Variants in CWF19L2 observed in about 807,000 individuals in gnomAD.
The protein encoded by CWF19L2 is CWF19 like cell cycle control factor 2.
CWF19L2 carries 98 observed loss-of-function variants against 111.7 expected under a neutral mutation model. The ratio of observed to expected loss-of-function variants is 0.88; its 90% CI spans 0.75 to 1.04. The LOEUF is 1.04. Ranked by LOEUF, CWF19L2 falls within the 50% of genes least tolerant of loss-of-function variation. CWF19L2 has a pLI of 0.00. For missense variants in CWF19L2, 1,101 were observed against 1,051.4 expected (o/e 1.05, Z -0.65); for synonymous variants, 351 against 342.9 (o/e 1.02, Z -0.26).
intron 14 of CWF19L2, among the ~76,000 whole-genome samples, chr11:107,347,806 A>T (rs1229877114): frequency 6.6e-6 from 1 of 152,192 alleles, no homozygotes; most frequent in Non-Finnish European, 1.5e-5. Context: ...TTCATTAAGC[A>T]GCTTGATTTC....
chr11:107,367,270 G>A lies in CWF19L2; in HGVS notation c.1873-13534C>T, dbSNP rs1322683031. ...CAACCATTGTGGAAGTCAGTGTGGC[G>A]ATTCCTCGGGGATCTAGAACTAGAA... On this transcript the variant is annotated intron_variant, in intron 12 of 17. Transcript: ENST00000282251. Among the ~76,000 whole-genome samples, 10 of 134,976 alleles carry A rather than the reference G, an allele frequency of 7.4e-5. 1 individual carries two copies. Among genetic ancestry groups the A allele is most frequent in the African/African-American group, 1.5e-4 (5 of 34,198 alleles). 88.5% of individuals were successfully genotyped at this position (134,976 alleles called of 152,430 possible).
intron 12 of CWF19L2, among the ~76,000 whole-genome samples, chr11:107,367,499 A>C (rs1860447311): frequency 7.6e-6 from 1 of 131,164 alleles, no homozygotes; most frequent in African/African-American, 3.1e-5. Context: ...ATGCAGCCAT[A>C]AAAAATGATG....
intron 3 of CWF19L2, among the ~76,000 whole-genome samples, chr11:107,448,395 T>A (rs1328689357): frequency 1.1e-5 from 1 of 92,934 alleles, no homozygotes; most frequent in African/African-American, 4.3e-5. Flanking sequence ...GCTCACGACA[T>A]AGCAATAAAA....
chr11:107,440,900 T>C (rs759213120), intron 5 of CWF19L2, among the ~76,000 whole-genome samples: 3 of 152,112 alleles, frequency 2.0e-5, no homozygotes, highest in Non-Finnish European at 2.9e-5. Context: ...AAAAAATATA[T>C]AAAGTTTGAC....
At chr11:107,442,854 GGGATAGA>G in intron 4 of CWF19L2, 78 bp downstream of exon 4, 1 of 660,464 alleles carries the variant, frequency 1.5e-6, no homozygotes, top group Non-Finnish European at 2.6e-6. Flanking sequence ...GAGGGAGGGA[GGGATAGA>G]GAGGGAAGGA....
chr11:107,434,432 A>G (rs1591202804), intron 6 of CWF19L2, among the ~76,000 whole-genome samples: 1 of 145,732 alleles, frequency 6.9e-6, no homozygotes, highest in East Asian at 1.9e-4. Flanking sequence ...CAAATCAATT[A>G]CTTAATAAAA....
At chr11:107,375,516 T>G (rs1860584992) in intron 12 of CWF19L2, among the ~76,000 whole-genome samples, 1 of 138,054 alleles carries the variant, frequency 7.2e-6, no homozygotes, top group Non-Finnish European at 1.6e-5. Context: ...TGCTCCTGAA[T>G]GACTACTGGG....
intron 8 of CWF19L2, among the ~76,000 whole-genome samples, chr11:107,421,907 G>C (rs943904663): frequency 1.2e-4 from 18 of 152,032 alleles, no homozygotes; most frequent in Non-Finnish European, 2.1e-4. Flanking sequence ...ATTTGTACCT[G>C]AATGTTCAGA....
chr11:107,456,875 C>A (rs1175472838), intron 1 of CWF19L2, among the ~76,000 whole-genome samples: 1 of 152,134 alleles, frequency 6.6e-6, no homozygotes, highest in Non-Finnish European at 1.5e-5. Flanking sequence ...GCTGCTTCAC[C>A]CTCAAATTAT....
intron 10 of CWF19L2, chr11:107,403,268 T>C: frequency 2.5e-6 from 1 of 403,522 alleles, no homozygotes; most frequent in Non-Finnish European, 4.5e-6. Flanking sequence ...AAAACTGTAT[T>C]TATCTGCAAA....
intron 13 of CWF19L2, among the ~76,000 whole-genome samples, chr11:107,353,294 T>G (rs1860184350): frequency 1.3e-5 from 2 of 152,186 alleles, no homozygotes; most frequent in Non-Finnish European, 2.9e-5. Context: ...ATTAAATCAA[T>G]AAGTATTTAT....
Position 107,336,457 on chromosome 11 carries a change from G to A in CWF19L2, c.2358+101C>T, listed in dbSNP as rs186087875. Reference sequence around the variant, plus strand: ...TTCATTTCTTTATATAAATTTTGATGTAAGTATATAGGAGAAAAATATGTT... The same window carrying A: ...TTCATTTCTTTATATAAATTTTGATATAAGTATATAGGAGAAAAATATGTT... On this transcript the variant is annotated intron_variant, in intron 15 of 17. Transcript: ENST00000282251. 2.1e-4 allele frequency: 194 copies of A among 935,442 alleles called. 1 individual carries two copies. The highest frequency in any genetic ancestry group is 2.9e-4 in the Non-Finnish European group (184 of 637,686). The allele number at this position is 935,442 out of a possible 1,614,324, so 57.9% of individuals were successfully genotyped here. A position where few individuals can be genotyped will look rare whatever the true frequency, so the allele number is the denominator to read the frequency against.
At chr11:107,336,835 ATAAAT>A in intron 14 of CWF19L2, 122 bp from the exon 15 acceptor site, 1 of 587,016 alleles carries the variant, frequency 1.7e-6, no homozygotes, top group Non-Finnish European at 2.9e-6. Context: ...AAAATGAAAA[ATAAAT>A]AAAATAAACA....
intron 6 of CWF19L2, among the ~76,000 whole-genome samples, chr11:107,434,388 C>T (rs1861511115): frequency 6.6e-6 from 1 of 152,054 alleles, no homozygotes; most frequent in Admixed American, 6.5e-5. Context: ...TTCTTCTTTA[C>T]ACATCACGCT....
At chr11:107,333,369 A>C (rs1377246254) in intron 16 of CWF19L2, among the ~76,000 whole-genome samples, 1 of 152,214 alleles carries the variant, frequency 6.6e-6, no homozygotes, top group Non-Finnish European at 1.5e-5. Context: ...AAGATACTAG[A>C]CATTTCACCA....
At chr11:107,442,768 A>G (rs1284387591) in intron 4 of CWF19L2, among the ~76,000 whole-genome samples, 171 bp downstream of exon 4, 9 of 43,438 alleles carry the variant, frequency 2.1e-4, no homozygotes, top group African/African-American at 8.7e-4. Flanking sequence ...GGAAGGAAGG[A>G]AGGAAGGAAG....
At chr11:107,381,390 T>C (rs927235520) in intron 12 of CWF19L2, among the ~76,000 whole-genome samples, 1 of 152,202 alleles carries the variant, frequency 6.6e-6, no homozygotes, top group East Asian at 1.9e-4. Flanking sequence ...CAGCCTGAAC[T>C]GGATTCAAGC....
chr11:107,423,371 C>T (rs1861328306), intron 8 of CWF19L2, among the ~76,000 whole-genome samples: 1 of 151,890 alleles, frequency 6.6e-6, no homozygotes, highest in Admixed American at 6.6e-5. Flanking sequence ...TACATTTTTA[C>T]ATGTATGTAT....
chr11:107,411,874 CAA>C (rs1187420613), intron 10 of CWF19L2, among the ~76,000 whole-genome samples: 1 of 152,024 alleles, frequency 6.6e-6, no homozygotes, highest in Non-Finnish European at 1.5e-5. Flanking sequence ...AAGAGAGGGA[CAA>C]AGGCAGAGAC....
Sources: gnomAD v4.1 joint callset for allele counts (sites outside exome capture counted in the v4.1 genomes callset) on GRCh38, gnomAD v4.1.1 for gene constraint, MANE v1.5 for transcripts, NCBI Gene and HGNC (gene_info 2026-07-23, HGNC 2026-07-21) for gene names.